PDPK1: variants seen among roughly 807,000 people sequenced by gnomAD.
PDPK1 encodes 3-phosphoinositide dependent protein kinase 1, also known as 3-phosphoinositide-dependent protein kinase 1.
A neutral mutation model predicts 39.8 loss-of-function variants in PDPK1; 7 were observed. The ratio of observed to expected loss-of-function variants is 0.18; its 90% confidence interval spans 0.10 to 0.33. The LOEUF is 0.33. Ranked by LOEUF, PDPK1 falls within the 10% of genes least tolerant of loss-of-function variation. The pLI, the probability that PDPK1 is intolerant of heterozygous loss-of-function variation, is 1.00. For synonymous variants in PDPK1, 118 were observed against 159.1 expected (o/e 0.74, Z 1.95); for missense variants, 182 against 384.7 (o/e 0.47, Z 4.41).
intron 1 of PDPK1, among the ~76,000 whole-genome samples, chr16:2,552,420 T>A (rs1341927054): frequency 6.6e-6 from 1 of 151,720 alleles, no homozygotes; most frequent in Non-Finnish European, 1.5e-5. Context: ...TTTTACAAGT[T>A]CCAATTTGTT....
intron 1 of PDPK1, among the ~76,000 whole-genome samples, chr16:2,545,336 CTT>C (rs59225717): frequency 2.7e-5 from 4 of 146,224 alleles, no homozygotes; most frequent in Admixed American, 6.9e-5. Context: ...CTTTCTCTCT[CTT>C]TTTTTTTTTT....
chr16:2,547,282 C>G (rs949830441), intron 1 of PDPK1, among the ~76,000 whole-genome samples: 3 of 144,644 alleles, frequency 2.1e-5, no homozygotes, highest in African/African-American at 8.6e-5. Context: ...GCGTTTCTCT[C>G]TCCCAGTTGG....
chr16:2,577,939 AT>A (rs2066748291), intron 7 of PDPK1, among the ~76,000 whole-genome samples: 1 of 147,858 alleles, frequency 6.8e-6, no homozygotes, highest in African/African-American at 2.6e-5. Flanking sequence ...GGGTTTCACC[AT>A]GTTGGCTAGG....
intron 1 of PDPK1, among the ~76,000 whole-genome samples, chr16:2,545,716 A>G (rs1364090848): frequency 6.6e-6 from 1 of 152,122 alleles, no homozygotes; most frequent in African/African-American, 2.4e-5. Context: ...GCTGGTCGCG[A>G]ACTCCTAATG....
rs2067156994 is a variant in PDPK1, at chr16:2,598,888, T to A, written c.*1121T>A. 1 of 233,196 alleles carries A rather than the reference T, an allele frequency of 4.3e-6. No homozygotes were observed. Among genetic ancestry groups the A allele is most frequent in the Non-Finnish European group, 8.5e-6 (1 of 118,078 alleles). 14.4% of individuals were successfully genotyped at this position (233,196 alleles called of 1,614,324 possible). ...AAGTTTCTCAGAGCCCCTCAGAGCT[T>A]CTACATCTGTGCATCAGAAATCTCA... On this transcript the variant is annotated 3_prime_UTR_variant, in exon 14 of 14. Transcript: ENST00000342085.
In PDPK1 at chr16:2,597,878, A is replaced by G; in HGVS notation, c.*111A>G. The G allele has an allele frequency of 1.5e-6, 1 of 668,832 alleles. No homozygotes were observed. Among genetic ancestry groups the G allele is most frequent in the Non-Finnish European group, 2.6e-6 (1 of 377,386 alleles). The allele number at this position is 668,832 out of a possible 1,614,324, so 41.4% of individuals were successfully genotyped here. ...CTGCCAGCCATCACAAGGGGAACGCAGAGGCGGAAACCTTGCAGCATTTTT... is the reference window on the plus strand; with the variant it reads ...CTGCCAGCCATCACAAGGGGAACGCGGAGGCGGAAACCTTGCAGCATTTTT... On this transcript the variant is annotated 3_prime_UTR_variant, in exon 14 of 14. Transcript: ENST00000342085. The surrounding 1 kb of genome is among the most constrained non-coding windows in gnomAD (Gnocchi z 6.3).
rs895059864 is a variant in PDPK1, at chr16:2,602,991, T to G, written c.*5224T>G. 8.7e-6 allele frequency: 2 copies of G among 230,718 alleles called. No homozygotes were observed. The highest frequency in any genetic ancestry group is 1.1e-4 in the Admixed American group (2 of 17,716). 14.3% of individuals were successfully genotyped at this position (230,718 alleles called of 1,614,324 possible). ...GTACAGCCTTGAATGTGAATAATTA[T>G]TGTAAACTATATTTTACAACTTTTT... On this transcript the variant is annotated 3_prime_UTR_variant, in exon 14 of 14. Transcript: ENST00000342085.
chr16:2,595,671 A>T, intron 11 of PDPK1, 122 bp from the exon 12 acceptor site: 1 of 767,912 alleles, frequency 1.3e-6, no homozygotes, highest in Non-Finnish European at 2.3e-6. Context: ...GCTCATCCCA[A>T]AGTGAGGCTG....
In PDPK1 at chr16:2,600,351, T is replaced by C. The variant is rs1314468140; in HGVS notation, c.*2584T>C. 2 of 233,090 alleles carry C rather than the reference T, an allele frequency of 8.6e-6. No individual in the cohort carries two copies. The highest frequency in any genetic ancestry group is 6.0e-5 in the East Asian group (1 of 16,606). The allele number at this position is 233,090 out of a possible 1,614,324, so 14.4% of individuals were successfully genotyped here. A position where few individuals can be genotyped will look rare whatever the true frequency, so the allele number is the denominator to read the frequency against. ...GAATGTCGGGACCACACTGTGCGGC[T>C]TCTCGGCACAAAGCGGAGGGAGGCT... On this transcript the variant is annotated 3_prime_UTR_variant, in exon 14 of 14. Transcript: ENST00000342085.
At chr16:2,545,038 A>AT (rs1233218927) in intron 1 of PDPK1, among the ~76,000 whole-genome samples, 3,208 of 134,802 alleles carry the variant, frequency 0.024, 83 homozygotes, top group African/African-American at 0.066. Context: ...TTAACATTGC[A>AT]TTTTTTTTTT....
chr16:2,552,024 G>T (rs1458943570), intron 1 of PDPK1, among the ~76,000 whole-genome samples: 3 of 151,246 alleles, frequency 2.0e-5, no homozygotes, highest in African/African-American at 7.3e-5. Flanking sequence ...AAAAGAGATG[G>T]GGTCTCACTG....
At position 2,600,330 on chromosome 16, in the gene PDPK1, G is replaced by A. The variant is rs1189828363; in HGVS notation, c.*2563G>A. On this transcript the variant is annotated 3_prime_UTR_variant, in exon 14 of 14. Transcript: ENST00000342085. ...ACACATGGGCAAGGACAGGTGGAAT[G>A]TCGGGACCACACTGTGCGGCTTCTC... is the stretch of plus-strand genomic sequence containing the variant. The A allele has an allele frequency of 4.3e-6, 1 of 233,240 alleles. No individual in the cohort carries two copies. The highest frequency in any genetic ancestry group is 8.5e-6 in the Non-Finnish European group (1 of 118,104). 14.4% of individuals were successfully genotyped at this position (233,240 alleles called of 1,614,324 possible).
intron 10 of PDPK1, among the ~76,000 whole-genome samples, chr16:2,585,177 C>T (rs1279473918): frequency 6.6e-6 from 1 of 152,254 alleles, no homozygotes; most frequent in South Asian, 2.1e-4. Context: ...CTGTGCAGGC[C>T]CCTGTGCCTG....
chr16:2,545,282 C>A (rs1182707146), intron 1 of PDPK1, among the ~76,000 whole-genome samples: 2 of 151,974 alleles, frequency 1.3e-5, no homozygotes, highest in African/African-American at 2.4e-5. Flanking sequence ...CAGCCTTCCT[C>A]AGTGGTCACC....
At chr16:2,580,426 C>T in intron 7 of PDPK1, among the ~76,000 whole-genome samples, 1 of 144,894 alleles carries the variant, frequency 6.9e-6, no homozygotes, top group Non-Finnish European at 1.5e-5. Context: ...GAGAGGCCGC[C>T]CTGAATTCCT....
chr16:2,585,181 G>C (rs964716971), intron 10 of PDPK1, among the ~76,000 whole-genome samples: 1 of 152,210 alleles, frequency 6.6e-6, no homozygotes, highest in African/African-American at 2.4e-5. Flanking sequence ...GCAGGCCCCT[G>C]TGCCTGGGCC....
chr16:2,539,321 C>G (rs1484702950), intron 1 of PDPK1: 1 of 153,162 alleles, frequency 6.5e-6, no homozygotes. Context: ...CTCAAGTGAT[C>G]TGCCCGCCTC....
At chr16:2,538,788 G>A in intron 1 of PDPK1, 1 of 1,277,824 alleles carries the variant, frequency 7.8e-7, no homozygotes, top group Non-Finnish European at 1.0e-6. Context: ...GGGATTTTAG[G>A]GGAAGGACCA....
intron 6 of PDPK1, chr16:2,577,187 C>T (rs1316024702): frequency 1.7e-6 from 1 of 586,180 alleles, no homozygotes; most frequent in Non-Finnish European, 3.1e-6. Context: ...AATGTGCTGG[C>T]CGTTTGTGTG....
Sources: allele counts gnomAD v4.1 joint callset (sites outside exome capture counted in the v4.1 genomes callset), GRCh38; gene constraint gnomAD v4.1.1; non-coding constraint Gnocchi (gnomAD v3.1); transcripts MANE v1.5; gene names NCBI Gene and HGNC (gene_info 2026-07-23, HGNC 2026-07-21).